Variants in COL10A1 observed in about 807,000 individuals in gnomAD.
COL10A1 encodes the protein collagen type X alpha 1 chain, also known as collagen alpha-1(X) chain.
COL10A1 carries 10 observed loss-of-function variants against 18.2 expected under a neutral mutation model. The observed-to-expected ratio is 0.55, with a 90% CI of 0.34 to 0.93. The LOEUF (loss-of-function observed/expected upper bound fraction) is 0.93. Ranked by LOEUF, COL10A1 falls within the 40% of genes least tolerant of loss-of-function variation. The pLI is 0.02. For synonymous variants in COL10A1, 330 were observed against 316.6 expected (o/e 1.04, Z -0.45); for missense variants, 897 against 853.5 (o/e 1.05, Z -0.64).
chr6:116,140,045 C>G (rs1461650371), intron 1 of COL10A1, among the ~76,000 whole-genome samples: 1 of 152,118 alleles, frequency 6.6e-6, no homozygotes, highest in African/African-American at 2.4e-5. Flanking sequence ...TGTAAGGAAA[C>G]TGAAGCCCAA....
At position 116,119,040 on chromosome 6, in the gene COL10A1, T is replaced by C. The variant is rs1779027295; in HGVS notation, c.*1033A>G. ...CAGCCTAAAAATCTATTGATGTTAT[T>C]TTATTGCGTCGTAAATAAGGAGTAG... On this transcript the variant is annotated 3_prime_UTR_variant, in exon 3 of 3. Coordinates refer to ENST00000651968, the MANE Select transcript of COL10A1 (RefSeq NM_000493.4). The C allele has an allele frequency of 6.5e-6, 1 of 152,688 alleles. No homozygotes were observed. Among genetic ancestry groups the C allele is most frequent in the South Asian group, 2.1e-4 (1 of 4,834 alleles). The allele number at this position is 152,688 out of a possible 1,614,324, so 9.5% of individuals were successfully genotyped here. A position where few individuals can be genotyped will look rare whatever the true frequency, so the allele number is the denominator to read the frequency against.
chr6:116,156,593 T>C (rs1272385984), intron 1 of COL10A1, among the ~76,000 whole-genome samples: 9 of 152,184 alleles, frequency 5.9e-5, no homozygotes, highest in African/African-American at 2.2e-4. Context: ...CATAAGGAAG[T>C]CTTCGTGGAG....
the COL10A1 span, among the ~76,000 whole-genome samples, chr6:116,201,859 T>C: frequency 6.6e-6 from 1 of 152,046 alleles, no homozygotes; most frequent in African/African-American, 2.4e-5. Flanking sequence ...AAATGCTCTA[T>C]TTCTGGACCA....
chr6:116,205,067 C>T, the COL10A1 span, among the ~76,000 whole-genome samples: 4 of 151,926 alleles, frequency 2.6e-5, no homozygotes, highest in African/African-American at 9.7e-5. Flanking sequence ...GTATACAGTG[C>T]AGAAGTGTCC....
chr6:116,197,606 C>T, the COL10A1 span, among the ~76,000 whole-genome samples: 2 of 152,010 alleles, frequency 1.3e-5, no homozygotes, highest in African/African-American at 2.4e-5. Flanking sequence ...ACCCAAATGT[C>T]GGAGTTAGAC....
chr6:116,178,439 A>G, the COL10A1 span, among the ~76,000 whole-genome samples: 1 of 152,190 alleles, frequency 6.6e-6, no homozygotes, highest in Non-Finnish European at 1.5e-5. Flanking sequence ...ATGGTCAGGT[A>G]TAAGAATTCT....
upstream of COL10A1, among the ~76,000 whole-genome samples, chr6:116,130,739 C>T (rs1779438470): frequency 6.6e-6 from 1 of 151,986 alleles, no homozygotes; most frequent in South Asian, 2.1e-4. Flanking sequence ...ACTTAATGAC[C>T]TCAATCTTGT....
the COL10A1 span, among the ~76,000 whole-genome samples, chr6:116,173,471 A>T: frequency 1.3e-5 from 2 of 152,300 alleles, no homozygotes; most frequent in Admixed American, 1.3e-4. Context: ...AGAGGTAGGC[A>T]GCCTGTCAGT....
At chr6:116,172,590 G>C in the COL10A1 span, among the ~76,000 whole-genome samples, 1 of 151,988 alleles carries the variant, frequency 6.6e-6, no homozygotes, top group East Asian at 1.9e-4. Context: ...AAAGTGCTGG[G>C]ATTACAGGTG....
At chr6:116,170,955 T>C in the COL10A1 span, among the ~76,000 whole-genome samples, 1 of 152,196 alleles carries the variant, frequency 6.6e-6, no homozygotes, top group Non-Finnish European at 1.5e-5. Flanking sequence ...CATTCTGTAT[T>C]TGACCTGCCC....
At chr6:116,186,523 G>C in the COL10A1 span, among the ~76,000 whole-genome samples, 1 of 151,766 alleles carries the variant, frequency 6.6e-6, no homozygotes, top group Non-Finnish European at 1.5e-5. Flanking sequence ...TTGTTCTTAG[G>C]TTTGGTCATT....
At chr6:116,182,222 A>AGAGAGAGAGAGAGTGTGTGT in the COL10A1 span, among the ~76,000 whole-genome samples, 1 of 124,606 alleles carries the variant, frequency 8.0e-6, no homozygotes, top group South Asian at 2.8e-4. Flanking sequence ...TTCCATGGAG[A>AGAGAGAGAGAGAGTGTGTGT]GTGTGTGTGT....
rs1165800475 is a variant in COL10A1 at position 116,119,966 on chromosome 6, A to C, written c.*107T>G. 2 of 1,073,136 alleles carry C rather than the reference A, an allele frequency of 1.9e-6. No individual in the cohort carries two copies. Among genetic ancestry groups the C allele is most frequent in the African/African-American group, 1.6e-5 (1 of 63,750 alleles). The allele number at this position is 1,073,136 out of a possible 1,614,324, so 66.5% of individuals were successfully genotyped here. A position where few individuals can be genotyped will look rare whatever the true frequency, so the allele number is the denominator to read the frequency against. On this transcript the variant is annotated 3_prime_UTR_variant, in exon 3 of 3. Transcript: ENST00000651968. ...ATAGCTCAAATCTGTATTTCAGAAA[A>C]TAAAAATTACATTCTTTTCAGCCTA...
the COL10A1 span, among the ~76,000 whole-genome samples, chr6:116,195,284 C>T: frequency 6.6e-6 from 1 of 152,038 alleles, no homozygotes; most frequent in South Asian, 2.1e-4. Context: ...TTTTATATCA[C>T]AATTTCGCTA....
chr6:116,216,894 G>A, the COL10A1 span, among the ~76,000 whole-genome samples: 6 of 152,040 alleles, frequency 3.9e-5, no homozygotes, highest in African/African-American at 9.7e-5. Context: ...GTTCACTAGC[G>A]TGCTCTTATA....
chr6:116,182,249 G>GTT, the COL10A1 span, among the ~76,000 whole-genome samples: 2 of 150,898 alleles, frequency 1.3e-5, no homozygotes, highest in African/African-American at 4.9e-5. Context: ...GTGTGTGTGT[G>GTT]TGTGTATCAC....
chr6:116,172,555 C>G, the COL10A1 span, among the ~76,000 whole-genome samples: 1 of 151,930 alleles, frequency 6.6e-6, no homozygotes, highest in Admixed American at 6.6e-5. Context: ...CTCCTGACCC[C>G]CTGATCCACC....
chr6:116,141,351 TC>T (rs1170219511), intron 1 of COL10A1, among the ~76,000 whole-genome samples: 1 of 152,080 alleles, frequency 6.6e-6, no homozygotes, highest in Non-Finnish European at 1.5e-5. Context: ...TGCAGATACT[TC>T]CAGTTTGTGA....
the COL10A1 span, among the ~76,000 whole-genome samples, chr6:116,211,597 A>G: frequency 2.4e-3 from 366 of 152,188 alleles, 2 homozygotes; most frequent in Middle Eastern, 0.01. Flanking sequence ...GCCATGCCAA[A>G]TAAGTATAAA....
Sources: allele counts gnomAD v4.1 joint callset (sites outside exome capture counted in the v4.1 genomes callset), GRCh38; gene constraint gnomAD v4.1.1; transcripts MANE v1.5; gene names NCBI Gene and HGNC (gene_info 2026-07-23, HGNC 2026-07-21).